GTF2H1: variants seen among roughly 807,000 people sequenced by gnomAD.
GTF2H1 encodes BTF2 p62.
In GTF2H1, 16 loss-of-function variants were observed where a neutral mutation model predicts 71.2. The ratio of observed to expected loss-of-function variants is 0.22; its 90% CI spans 0.15 to 0.34. The LOEUF (loss-of-function observed/expected upper bound fraction) is 0.34. GTF2H1 is among the 10% of genes least tolerant of loss of function. The probability of loss-of-function intolerance (pLI) is 1.00; values close to 1 mark genes in which losing one functional copy is unlikely to be tolerated. For missense variants in GTF2H1, 498 were observed against 648.2 expected (o/e 0.77, Z 2.52); for synonymous variants, 215 against 219.0 (o/e 0.98, Z 0.16).
chr11:18,344,529 G>C (rs985280665), intron 7 of GTF2H1, among the ~76,000 whole-genome samples: 1 of 150,978 alleles, frequency 6.6e-6, no homozygotes, highest in Non-Finnish European at 1.5e-5. Context: ...TGAGGCAGGA[G>C]AGTCGCTGGA....
chr11:18,341,086 TACCTC>T (rs1463171270), intron 5 of GTF2H1, among the ~76,000 whole-genome samples, 170 bp from the exon 6 acceptor site: 1 of 152,254 alleles, frequency 6.6e-6, no homozygotes, highest in African/African-American at 2.4e-5. Flanking sequence ...ATAGAGGTCA[TACCTC>T]ACCTAATCTC....
At chr11:18,327,371 T>C (rs1232247143) in intron 1 of GTF2H1, among the ~76,000 whole-genome samples, 1 of 152,188 alleles carries the variant, frequency 6.6e-6, no homozygotes, top group Non-Finnish European at 1.5e-5. Context: ...ATCCCTTCAT[T>C]CGCATATATT....
At chr11:18,337,451 G>GA (rs989262711) in intron 3 of GTF2H1, among the ~76,000 whole-genome samples, 18 of 145,954 alleles carry the variant, frequency 1.2e-4, no homozygotes, top group Admixed American at 2.7e-4. Flanking sequence ...TCTCAAAAAA[G>GA]AAAAAAAAAA....
intron 7 of GTF2H1, among the ~76,000 whole-genome samples, chr11:18,346,278 T>C (rs1865291337): frequency 6.6e-6 from 1 of 152,202 alleles, no homozygotes; most frequent in Admixed American, 6.5e-5. Context: ...CTTGAACTCT[T>C]CGGCTCAACA....
At chr11:18,327,365 C>G (rs546080274) in intron 1 of GTF2H1, among the ~76,000 whole-genome samples, 1 of 151,736 alleles carries the variant, frequency 6.6e-6, no homozygotes, top group Non-Finnish European at 1.5e-5. Flanking sequence ...GTATCTATCC[C>G]TTCATTCGCA....
chr11:18,334,462 A>T (rs1864977609), intron 2 of GTF2H1, among the ~76,000 whole-genome samples: 1 of 152,212 alleles, frequency 6.6e-6, no homozygotes, highest in Admixed American at 6.5e-5. Flanking sequence ...GTAACAATAG[A>T]CTTATAAATT....
At chr11:18,338,323 A>G (rs143791350) in intron 4 of GTF2H1, 49 bp downstream of exon 4, 56 of 1,216,268 alleles carry the variant, frequency 4.6e-5, no homozygotes, top group African/African-American at 3.7e-4. Flanking sequence ...TCAAACCCCA[A>G]TATGTGTCTT....
chr11:18,363,070 C>T (rs1443951711), intron 14 of GTF2H1, among the ~76,000 whole-genome samples: 1 of 152,044 alleles, frequency 6.6e-6, no homozygotes, highest in Non-Finnish European at 1.5e-5. Flanking sequence ...AGGATCATCA[C>T]TATCACTGTC....
intron 1 of GTF2H1, among the ~76,000 whole-genome samples, chr11:18,330,808 A>G (rs1041918187): frequency 3.5e-4 from 54 of 152,278 alleles, no homozygotes; most frequent in African/African-American, 1.3e-3. Context: ...TCATCTTTGG[A>G]TAGTCCCCAG....
chr11:18,360,834 C>T lies in GTF2H1; in HGVS notation c.1560+127C>T, dbSNP rs556779041. On this transcript the variant is annotated intron_variant, in intron 14 of 14. Coordinates refer to ENST00000265963, the MANE Select transcript of GTF2H1 (RefSeq NM_005316.4). ...TTTTTTTTTTTTTTTGAAACGGAGT[C>T]TCACTCTGTCGCCCAGGCTGGAGTA... is the stretch of plus-strand genomic sequence containing the variant. The T allele has an allele frequency of 7.0e-6, 4 of 572,966 alleles. No homozygotes were observed. In the East Asian group the frequency reaches 1.4e-4, roughly 19 times the overall value. 35.5% of individuals were successfully genotyped at this position (572,966 alleles called of 1,614,324 possible).
At position 18,358,660 on chromosome 11, in the gene GTF2H1, A is replaced by G; in HGVS notation, c.1467+20A>G. ...GAAAAGGTTAGAACCAGTTCTGAAG[A>G]CAGCCAGATAATTGTGGTAGTGACT... On this transcript the variant is annotated intron_variant, in intron 13 of 14. Transcript: ENST00000265963. 1 of 1,404,776 alleles carries G rather than the reference A, an allele frequency of 7.1e-7. No individual in the cohort carries two copies. Among genetic ancestry groups the G allele is most frequent in the Non-Finnish European group, 1.0e-6 (1 of 990,888 alleles). 87.0% of individuals were successfully genotyped at this position (1,404,776 alleles called of 1,614,324 possible). A position where few individuals can be genotyped will look rare whatever the true frequency, so the allele number is the denominator to read the frequency against.
At chr11:18,336,150 G>A (rs1255303723) in intron 3 of GTF2H1, among the ~76,000 whole-genome samples, 7 of 151,728 alleles carry the variant, frequency 4.6e-5, no homozygotes, top group South Asian at 2.1e-4. Context: ...TTTTTGAGAC[G>A]GAGTTTCGCT....
intron 14 of GTF2H1, 24 bp downstream of exon 14, chr11:18,360,731 C>G (rs780660902): frequency 8.3e-7 from 1 of 1,203,276 alleles, no homozygotes; most frequent in Non-Finnish European, 1.2e-6. Flanking sequence ...CTGATTTTTG[C>G]CTGATCTTCT....
In GTF2H1 at chr11:18,335,964, G is replaced by T; in HGVS notation, c.347+18G>T. 1.9e-6 allele frequency: 3 copies of T among 1,598,926 alleles called. No homozygotes were observed. The highest frequency in any genetic ancestry group is 2.6e-6 in the Non-Finnish European group (3 of 1,168,126). On this transcript the variant is annotated intron_variant, in intron 3 of 14. Coordinates refer to ENST00000265963, the MANE Select transcript of GTF2H1 (RefSeq NM_005316.4). The stretch of plus-strand genomic sequence containing the variant: ...AAGAACAGGTGGGAGGAAAAGAATA[G>T]CCTTTTGAAAGAGATACTGGGTTCT...
intron 7 of GTF2H1, among the ~76,000 whole-genome samples, chr11:18,345,864 A>G (rs111241826): frequency 1.1e-4 from 16 of 144,148 alleles, no homozygotes; most frequent in African/African-American, 3.9e-4. Flanking sequence ...ATCTCGGCTC[A>G]CTGCAGGCTC....
At chr11:18,345,952 G>T (rs751496946) in intron 7 of GTF2H1, among the ~76,000 whole-genome samples, 2 of 151,872 alleles carry the variant, frequency 1.3e-5, no homozygotes, top group South Asian at 2.1e-4. Flanking sequence ...CACCTCGCCC[G>T]GCTAATTTTT....
At chr11:18,350,272 G>T (rs1304707958) in intron 9 of GTF2H1, among the ~76,000 whole-genome samples, 1 of 152,188 alleles carries the variant, frequency 6.6e-6, no homozygotes, top group Non-Finnish European at 1.5e-5. Flanking sequence ...GACCTAACAA[G>T]GCCTTGGCAT....
chr11:18,340,040 C>G (rs755136475), intron 5 of GTF2H1, among the ~76,000 whole-genome samples: 1 of 152,176 alleles, frequency 6.6e-6, no homozygotes, highest in Non-Finnish European at 1.5e-5. Context: ...ATTCTTCTGA[C>G]TAAGCAGTAC....
intron 2 of GTF2H1, chr11:18,333,463 C>CT: frequency 3.1e-6 from 1 of 320,092 alleles, no homozygotes; most frequent in East Asian, 5.5e-5. Flanking sequence ...TCTCCACACA[C>CT]TTTAAGAGTT....
Sources: gnomAD v4.1 joint callset for allele counts (sites outside exome capture counted in the v4.1 genomes callset) on GRCh38, gnomAD v4.1.1 for gene constraint, MANE v1.5 for transcripts, NCBI Gene and HGNC (gene_info 2026-07-23, HGNC 2026-07-21) for gene names.